The following ACAA2 variants were observed in gnomAD, a reference collection of about 807,000 sequenced individuals.
The protein encoded by ACAA2 is 3-ketoacyl-CoA thiolase, mitochondrial.
ACAA2 carries 35 observed loss-of-function variants against 44.8 expected under a neutral mutation model. That is an observed-to-expected ratio of 0.78 (90% CI 0.60 to 1.04). The LOEUF (loss-of-function observed/expected upper bound fraction) is 1.04, where lower values mean the gene tolerates loss of function less well. Among genes scored for constraint, ACAA2 ranks in the 50% least tolerant of loss-of-function variants. The probability of loss-of-function intolerance (pLI) is 0.00; values close to 1 mark genes in which losing one functional copy is unlikely to be tolerated. For synonymous variants in ACAA2, 142 were observed against 166.5 expected (o/e 0.85, Z 1.13); for missense variants, 468 against 482.6 (o/e 0.97, Z 0.28).
chr18:49,787,376 A>C lies in ACAA2; in HGVS notation c.884-15T>G, dbSNP rs573418817. The C allele has an allele frequency of 1.2e-5, 16 of 1,376,274 alleles. No homozygotes were observed. In the African/African-American group the frequency reaches 1.7e-4, roughly 14 times the overall value. The allele number at this position is 1,376,274 out of a possible 1,614,324, so 85.3% of individuals were successfully genotyped here. A position where few individuals can be genotyped will look rare whatever the true frequency, so the allele number is the denominator to read the frequency against. On this transcript the variant is annotated splice_polypyrimidine_tract_variant and intron_variant, in intron 7 of 9. Coordinates refer to ENST00000285093, the MANE Select transcript of ACAA2 (RefSeq NM_006111.3). ...AGGGACAGGACCTATATAATAATAA[A>C]AATCTTCTATAAAAATATAGAAATA...
intron 1 of ACAA2, among the ~76,000 whole-genome samples, chr18:49,813,211 A>C (rs2023691643): frequency 6.6e-6 from 1 of 152,252 alleles, no homozygotes; most frequent in African/African-American, 2.4e-5. Flanking sequence ...CCAAGGTCAC[A>C]TGCAAGCAAA....
intron 7 of ACAA2, among the ~76,000 whole-genome samples, chr18:49,789,138 T>A (rs1002323937): frequency 4.6e-5 from 7 of 152,224 alleles, no homozygotes; most frequent in African/African-American, 1.7e-4. Context: ...TATAGCTGTG[T>A]ATTTCCTCAG....
rs1347357878 is a variant in ACAA2, at chr18:49,801,812, A to ATATATC, written c.183+874_183+875insGATATA. On this transcript the variant is annotated intron_variant, in intron 2 of 9. Transcript: ENST00000285093. ...TATATATATATATATATATATATATATATCTTATCTTTTTCATTAGATTAT... is the reference window on the plus strand; with the variant it reads ...TATATATATATATATATATATATATATATATCTATCTTATCTTTTTCATTAGATTAT... Among the ~76,000 whole-genome samples the ATATATC allele has an allele frequency of 7.2e-3, 1,030 of 143,292 alleles. 10 individuals carry two copies. The highest frequency in any genetic ancestry group is 0.013 in the Non-Finnish European group (835 of 66,184). 94.0% of individuals were successfully genotyped at this position (143,292 alleles called of 152,430 possible).
At chr18:49,797,337 A>T in intron 3 of ACAA2, 129 bp downstream of exon 3, 1 of 721,872 alleles carries the variant, frequency 1.4e-6, no homozygotes, top group Non-Finnish European at 2.2e-6. Flanking sequence ...CAGTGGTATG[A>T]TCATGGTTTA....
At chr18:49,799,176 A>C (rs1568588336) in intron 2 of ACAA2, among the ~76,000 whole-genome samples, 1 of 152,026 alleles carries the variant, frequency 6.6e-6, no homozygotes, top group Non-Finnish European at 1.5e-5. Flanking sequence ...CAACTTTCTC[A>C]ATCTGACAAA....
intron 7 of ACAA2, among the ~76,000 whole-genome samples, chr18:49,789,847 G>T (rs918968168): frequency 3.3e-5 from 5 of 152,180 alleles, no homozygotes; most frequent in African/African-American, 4.8e-5. Context: ...AGCCAGGCGT[G>T]GGGGCGGGCA....
chr18:49,785,122 G>A, intron 9 of ACAA2, 75 bp downstream of exon 9: 3 of 1,536,414 alleles, frequency 2.0e-6, no homozygotes, highest in Non-Finnish European at 2.7e-6. Flanking sequence ...ATGTTGGAGT[G>A]TTCTGGGGAA....
intron 2 of ACAA2, among the ~76,000 whole-genome samples, chr18:49,801,996 G>A (rs2023555682): frequency 6.6e-6 from 1 of 151,976 alleles, no homozygotes; most frequent in Admixed American, 6.5e-5. Flanking sequence ...CAGAGGGTAA[G>A]GAAGCATCTT....
intron 3 of ACAA2, 118 bp downstream of exon 3, chr18:49,797,348 C>A: frequency 3.0e-5 from 24 of 795,922 alleles, no homozygotes; most frequent in East Asian, 6.9e-5. Flanking sequence ...TCATGGTTTA[C>A]TTGACCTCCA....
intron 3 of ACAA2, among the ~76,000 whole-genome samples, chr18:49,796,266 G>A (rs1444997470): frequency 1.3e-5 from 2 of 152,192 alleles, no homozygotes; most frequent in Non-Finnish European, 2.9e-5. Context: ...ATTAATGGAT[G>A]TATCTGAACA....
At position 49,791,866 on chromosome 18, in the gene ACAA2, G is replaced by A. The variant is rs186288400; in HGVS notation, c.754-267C>T. On this transcript the variant is annotated intron_variant, in intron 6 of 9. Transcript: ENST00000285093. Reference sequence around the variant, plus strand: ...GATGTAAGAAGAAATACGATAAACTGTATGCATGAGAAAAAAAAAAGTTTG... The same window carrying A: ...GATGTAAGAAGAAATACGATAAACTATATGCATGAGAAAAAAAAAAGTTTG... 5.9e-5 allele frequency among the ~76,000 whole-genome samples: 9 copies of A among 151,812 alleles called. No homozygotes were observed. The East Asian group carries it at 1.5e-3, about 26-fold the overall frequency.
chr18:49,804,035 C>T (rs563735335), intron 1 of ACAA2, among the ~76,000 whole-genome samples: 6 of 151,890 alleles, frequency 4.0e-5, no homozygotes, highest in African/African-American at 1.2e-4. Flanking sequence ...CTCAGCCTCC[C>T]GAGTAGCTGG....
chr18:49,809,334 A>AT (rs2023643876), intron 1 of ACAA2, among the ~76,000 whole-genome samples: 2 of 152,242 alleles, frequency 1.3e-5, no homozygotes, highest in Non-Finnish European at 2.9e-5. Context: ...GCTTACGAAG[A>AT]TAACGGGATT....
intron 2 of ACAA2, 52 bp from the exon 3 acceptor site, chr18:49,797,646 A>C: frequency 6.9e-7 from 1 of 1,450,664 alleles, no homozygotes; most frequent in Non-Finnish European, 9.3e-7. Flanking sequence ...TCTACTAATT[A>C]AGAACAAGCA....
Position 49,792,274 on chromosome 18 carries a change from T to C in ACAA2, c.631A>G (p.Lys211Glu). 6.2e-7 allele frequency: 1 copy of C among 1,613,960 alleles called. No individual in the cohort carries two copies. The highest frequency in any genetic ancestry group is 8.5e-7 in the Non-Finnish European group (1 of 1,179,970). Reference sequence around the variant, plus strand: ...ACCTGCATTGTCTGTTTTCCTTTCTTTGTCTTCACTTCAATTGGTGCCATT... The same window carrying C: ...ACCTGCATTGTCTGTTTTCCTTTCTCTGTCTTCACTTCAATTGGTGCCATT... Reference protein sequence around the residue: ...DEMAPIEVKTKKGKQTMQVDE... With the variant: ...DEMAPIEVKTEKGKQTMQVDE... Residue 211 changes from lysine (K) to glutamate (E), a missense_variant, in exon 6 of 10, where the codon AAG (lysine) becomes GAG (glutamate). Transcript: ENST00000285093.
intron 1 of ACAA2, among the ~76,000 whole-genome samples, chr18:49,805,019 T>G (rs2023596510): frequency 6.6e-6 from 1 of 152,232 alleles, no homozygotes; most frequent in Non-Finnish European, 1.5e-5. Context: ...CTCTGCAAGG[T>G]AAATATTATA....
chr18:49,795,586 T>C (rs1301364147), intron 4 of ACAA2, among the ~76,000 whole-genome samples, 179 bp downstream of exon 4: 1 of 152,182 alleles, frequency 6.6e-6, no homozygotes, highest in Non-Finnish European at 1.5e-5. Flanking sequence ...ATGTCAAAAC[T>C]AACCACCAAA....
Position 49,783,935 on chromosome 18 carries a change from A to C in ACAA2, c.1110-4T>G. ...GGCATATTTTCCACCTCGACGCCTG[A>C]AAAAGAAAGCAGTGACTGAAATCTA... On this transcript the variant is annotated splice_region_variant and splice_polypyrimidine_tract_variant and intron_variant, in intron 9 of 9. Coordinates refer to ENST00000285093, the MANE Select transcript of ACAA2 (RefSeq NM_006111.3). 1 of 1,613,734 alleles carries C rather than the reference A, an allele frequency of 6.2e-7. No homozygotes were observed. The highest frequency in any genetic ancestry group is 8.5e-7 in the Non-Finnish European group (1 of 1,179,668).
At chr18:49,801,812 A>G (rs183581727) in intron 2 of ACAA2, among the ~76,000 whole-genome samples, 1 of 143,312 alleles carries the variant, frequency 7.0e-6, no homozygotes, top group African/African-American at 2.6e-5. Flanking sequence ...ATATATATAT[A>G]TATCTTATCT....
Sources: allele counts gnomAD v4.1 joint callset (sites outside exome capture counted in the v4.1 genomes callset), GRCh38; gene constraint gnomAD v4.1.1; transcripts MANE v1.5; gene names NCBI Gene and HGNC (gene_info 2026-07-23, HGNC 2026-07-21).